The following RYR3 variants were observed in gnomAD, a reference collection of about 807,000 sequenced individuals.
RYR3 encodes the protein brain ryanodine receptor-calcium release channel.
In RYR3, 207 loss-of-function variants were observed where a neutral mutation model predicts 584.3. That is an observed-to-expected ratio of 0.35 (90% CI 0.32 to 0.40). RYR3 has a LOEUF of 0.40. Ranked by LOEUF, RYR3 falls within the 10% of genes least tolerant of loss-of-function variation. The pLI is 1.00. For missense variants in RYR3, 5,616 were observed against 6,089.2 expected (o/e 0.92, Z 2.59); for synonymous variants, 2,416 against 2,248.5 (o/e 1.07, Z -2.11).
chr15:33,542,085 G>A (rs944011907), intron 7 of RYR3, among the ~76,000 whole-genome samples: 1 of 152,104 alleles, frequency 6.6e-6, no homozygotes, highest in Non-Finnish European at 1.5e-5. Flanking sequence ...GTTGAGTGCC[G>A]TTGTAATATA....
chr15:33,605,779 C>T (rs112915379), intron 18 of RYR3, among the ~76,000 whole-genome samples: 1 of 152,174 alleles, frequency 6.6e-6, no homozygotes, highest in African/African-American at 2.4e-5. Context: ...CCCACCAGGA[C>T]AGGCATGAAT....
intron 86 of RYR3, 42 bp from the exon 87 acceptor site, chr15:33,834,925 CT>C: frequency 6.5e-7 from 1 of 1,536,808 alleles, no homozygotes; most frequent in Non-Finnish European, 9.0e-7. Context: ...TTCAGAGCAA[CT>C]TGTGATGTTT....
Position 33,311,059 on chromosome 15 carries a change from G to C in RYR3, c.14G>C (p.Gly5Ala), listed in dbSNP as rs771419772. The change falls in exon 1 of 104, where the codon GGA becomes GCA. Residue 5 changes from glycine (G) to alanine (A), a missense_variant. Gly to Ala is a moderately conservative substitution (Grantham distance 60). This residue lies in a region of RYR3 where 1,284 missense variants were observed against 1,344.6 expected (regional missense o/e 0.95). Coordinates refer to ENST00000634891, the MANE Select transcript of RYR3 (RefSeq NM_001036.6). The surrounding 1 kb of genome is among the most constrained non-coding windows in gnomAD (Gnocchi z 4.4). MAEG[G>A]EGGEDEIQFL... ...GCCTCGGGAGCCATGGCCGAAGGGG[G>C]AGAAGGAGGCGAGGACGAGATCCAG... The C allele has an allele frequency of 3.2e-6, 5 of 1,583,560 alleles. No individual in the cohort carries two copies. The highest frequency in any genetic ancestry group is 3.5e-5 in the Admixed American group (2 of 56,694).
intron 1 of RYR3, among the ~76,000 whole-genome samples, chr15:33,432,321 G>A (rs548326566): frequency 6.6e-6 from 1 of 152,186 alleles, no homozygotes; most frequent in African/African-American, 2.4e-5. Context: ...GGAACACAAA[G>A]GATGTTACTG....
chr15:33,719,360 G>C (rs1183130606), intron 43 of RYR3, among the ~76,000 whole-genome samples: 1 of 152,140 alleles, frequency 6.6e-6, no homozygotes, highest in Non-Finnish European at 1.5e-5. Context: ...TTCAACTTCT[G>C]CATATTGTGG....
chr15:33,495,091 A>G (rs2051299322), intron 2 of RYR3, among the ~76,000 whole-genome samples: 1 of 152,210 alleles, frequency 6.6e-6, no homozygotes, highest in African/African-American at 2.4e-5. Context: ...CTAAGTTTAT[A>G]AAATATAGAT....
chr15:33,594,409 T>A (rs981778553), intron 16 of RYR3, among the ~76,000 whole-genome samples: 2 of 152,216 alleles, frequency 1.3e-5, no homozygotes, highest in African/African-American at 4.8e-5. Flanking sequence ...CCAAATTTTG[T>A]TCACAGGAGT....
At chr15:33,338,896 A>G (rs1971466229) in intron 1 of RYR3, among the ~76,000 whole-genome samples, 1 of 152,218 alleles carries the variant, frequency 6.6e-6, no homozygotes, top group Non-Finnish European at 1.5e-5. Flanking sequence ...AAGCAAAACT[A>G]AACAATATGT....
chr15:33,438,759 A>G (rs2045953328), intron 1 of RYR3, among the ~76,000 whole-genome samples: 1 of 152,074 alleles, frequency 6.6e-6, no homozygotes, highest in Admixed American at 6.6e-5. Context: ...ATGTCTTTAT[A>G]TAATTTTCTC....
At chr15:33,584,824 A>G (rs1216921090) in intron 15 of RYR3, among the ~76,000 whole-genome samples, 1 of 111,700 alleles carries the variant, frequency 9.0e-6, no homozygotes, top group African/African-American at 3.6e-5. Context: ...TCTAACTCCC[A>G]TTATATTCTT....
At chr15:33,397,635 A>G (rs976503010) in intron 1 of RYR3, among the ~76,000 whole-genome samples, 12 of 152,174 alleles carry the variant, frequency 7.9e-5, no homozygotes, top group African/African-American at 2.9e-4. Context: ...AATTGTTCTA[A>G]TATTGCTTAT....
intron 8 of RYR3, among the ~76,000 whole-genome samples, chr15:33,546,648 A>C (rs890270627): frequency 9.9e-5 from 15 of 152,210 alleles, no homozygotes; most frequent in African/African-American, 3.4e-4. Flanking sequence ...AAATTTTCAC[A>C]ACATTGTTTT....
intron 1 of RYR3, among the ~76,000 whole-genome samples, chr15:33,319,775 T>C (rs879365802): frequency 2.6e-4 from 39 of 152,186 alleles, no homozygotes; most frequent in Admixed American, 9.2e-4. Context: ...GAACTAGATA[T>C]GTAAATCTGG....
chr15:33,453,011 C>G (rs2047253204), intron 1 of RYR3, among the ~76,000 whole-genome samples: 1 of 152,160 alleles, frequency 6.6e-6, no homozygotes, highest in African/African-American at 2.4e-5. Flanking sequence ...TGGCTCCAAC[C>G]TTTCTCCTTC....
rs576413715 is a variant in RYR3, at chr15:33,362,397, G to GTCA, written c.51+51317_51+51319dup. ...AGCAACCACTTGGTAAATGTCTGTC[G>GTCA]TCATCATCATCATCATCAGCAGCAG... On this transcript the variant is annotated intron_variant, in intron 1 of 103. Coordinates refer to ENST00000634891, the MANE Select transcript of RYR3 (RefSeq NM_001036.6). 3.3e-3 allele frequency among the ~76,000 whole-genome samples: 507 copies of GTCA among 152,164 alleles called. 1 individual carries two copies. The highest frequency in any genetic ancestry group is 4.9e-3 in the Non-Finnish European group (335 of 68,004).
intron 36 of RYR3, among the ~76,000 whole-genome samples, chr15:33,668,678 C>T (rs1206467333): frequency 6.6e-6 from 1 of 152,096 alleles, no homozygotes; most frequent in Non-Finnish European, 1.5e-5. Flanking sequence ...TAGTAATACA[C>T]ACTTGTATAA....
At chr15:33,430,103 G>A (rs1372109798) in intron 1 of RYR3, among the ~76,000 whole-genome samples, 2 of 152,234 alleles carry the variant, frequency 1.3e-5, no homozygotes, top group African/African-American at 2.4e-5. Context: ...TACACTATTT[G>A]TTTTGAGATA....
chr15:33,593,395 T>C (rs375464356), intron 16 of RYR3, among the ~76,000 whole-genome samples: 1 of 151,980 alleles, frequency 6.6e-6, no homozygotes, highest in Admixed American at 6.6e-5. Context: ...TTTTAGGAGG[T>C]TGTGAAGTCC....
rs143382198 is a variant in RYR3 at position 33,388,946 on chromosome 15, C to T, written c.51+77850C>T. 8.6e-3 allele frequency among the ~76,000 whole-genome samples: 1,303 copies of T among 151,888 alleles called. 14 individuals carry two copies. The highest frequency in any genetic ancestry group is 0.031 in the Middle Eastern group (9 of 294). On this transcript the variant is annotated intron_variant, in intron 1 of 103. Transcript: ENST00000634891. ...TATGAGTTCATGTCCTTTGTAGGAA[C>T]ATGGATGAAGCTGGAAATCATCATT...
Sources: allele counts gnomAD v4.1 joint callset (sites outside exome capture counted in the v4.1 genomes callset), GRCh38; gene constraint gnomAD v4.1.1; regional missense constraint gnomAD v4.1.1; non-coding constraint Gnocchi (gnomAD v3.1); transcripts MANE v1.5; gene names NCBI Gene and HGNC (gene_info 2026-07-23, HGNC 2026-07-21).